The following KSR2 variants were observed in gnomAD, a reference collection of about 807,000 sequenced individuals.
KSR2 encodes the protein kinase suppressor of ras 2.
Under a neutral mutation model 107.8 loss-of-function variants are expected in KSR2, and 25 were observed. The ratio of observed to expected loss-of-function variants is 0.23; its 90% confidence interval spans 0.17 to 0.32. KSR2 has a LOEUF of 0.32. Ranked by LOEUF, KSR2 falls within the 10% of genes least tolerant of loss-of-function variation. The probability of loss-of-function intolerance (pLI) is 1.00; values close to 1 mark genes in which losing one functional copy is unlikely to be tolerated. For synonymous variants in KSR2, 480 were observed against 507.0 expected (o/e 0.95, Z 0.71); for missense variants, 887 against 1,268.9 (o/e 0.70, Z 4.57).
intron 4 of KSR2, among the ~76,000 whole-genome samples, chr12:117,688,285 C>T (rs749659382): frequency 3.3e-4 from 50 of 152,104 alleles, no homozygotes; most frequent in Non-Finnish European, 4.9e-4. Context: ...GAGGCTGAGG[C>T]GGGAGAATCG....
chr12:117,924,789 T>C (rs900976784), intron 1 of KSR2, among the ~76,000 whole-genome samples: 2 of 152,204 alleles, frequency 1.3e-5, no homozygotes, highest in East Asian at 1.9e-4. Context: ...AGAACCTGTA[T>C]AGATCCCAAT....
intron 3 of KSR2, among the ~76,000 whole-genome samples, chr12:117,839,302 A>G (rs867069313): frequency 2.0e-5 from 3 of 152,260 alleles, no homozygotes; most frequent in Admixed American, 6.5e-5. Context: ...GGAAATGAAC[A>G]AAGTGCTGCG....
At chr12:117,751,466 C>T (rs1888609232) in intron 4 of KSR2, among the ~76,000 whole-genome samples, 1 of 152,130 alleles carries the variant, frequency 6.6e-6, no homozygotes, top group African/African-American at 2.4e-5. Context: ...AAAGAGGAAA[C>T]ATCACTGTGC....
intron 5 of KSR2, among the ~76,000 whole-genome samples, chr12:117,601,110 C>T (rs1264282707): frequency 6.6e-6 from 1 of 152,142 alleles, no homozygotes; most frequent in African/African-American, 2.4e-5. Context: ...TGCTACTTGT[C>T]AGCTATAAAA....
intron 3 of KSR2, among the ~76,000 whole-genome samples, chr12:117,824,385 A>C (rs1361055276): frequency 5.3e-5 from 8 of 152,194 alleles, no homozygotes; most frequent in African/African-American, 1.9e-4. Context: ...TCTATCATAC[A>C]TTTCAAAATA....
chr12:117,603,392 A>T (rs1004739411), intron 5 of KSR2, among the ~76,000 whole-genome samples: 3 of 152,368 alleles, frequency 2.0e-5, no homozygotes, highest in Admixed American at 1.3e-4. Flanking sequence ...GAACTTACAG[A>T]TAAGTCAACT....
At chr12:117,633,434 C>T (rs1279937581) in intron 5 of KSR2, among the ~76,000 whole-genome samples, 1 of 152,184 alleles carries the variant, frequency 6.6e-6, no homozygotes, top group African/African-American at 2.4e-5. Context: ...ATCAGTGTCC[C>T]AGAACTACTA....
intron 3 of KSR2, among the ~76,000 whole-genome samples, chr12:117,793,427 A>G (rs1890369910): frequency 6.7e-6 from 1 of 149,426 alleles, no homozygotes; most frequent in Non-Finnish European, 1.5e-5. Context: ...CAAAATGCAC[A>G]CACACCAACA....
At chr12:117,620,935 A>G (rs763509162) in intron 5 of KSR2, among the ~76,000 whole-genome samples, 1 of 152,156 alleles carries the variant, frequency 6.6e-6, no homozygotes, top group Non-Finnish European at 1.5e-5. Context: ...AGCCCCTTCC[A>G]TCTGTAAATT....
intron 3 of KSR2, among the ~76,000 whole-genome samples, chr12:117,775,107 C>T (rs957971248): frequency 1.3e-5 from 2 of 152,210 alleles, no homozygotes; most frequent in Admixed American, 1.3e-4. Context: ...CATAGTGCTG[C>T]TATGAACATT....
chr12:117,529,063 A>G (rs903711354), intron 12 of KSR2, among the ~76,000 whole-genome samples: 2 of 152,218 alleles, frequency 1.3e-5, no homozygotes, highest in African/African-American at 4.8e-5. Context: ...TAAGTCTTTA[A>G]CAAAGTCCAT....
intron 4 of KSR2, among the ~76,000 whole-genome samples, chr12:117,688,691 G>T (rs1885687200): frequency 6.6e-6 from 1 of 152,178 alleles, no homozygotes; most frequent in Non-Finnish European, 1.5e-5. Context: ...GGCTCGATCA[G>T]GTTTCGAGTG....
At chr12:117,893,200 T>C (rs1894402334) in intron 1 of KSR2, among the ~76,000 whole-genome samples, 1 of 151,902 alleles carries the variant, frequency 6.6e-6, no homozygotes, top group Non-Finnish European at 1.5e-5. Context: ...GTATTTTTGG[T>C]AGAGATAGGG....
At chr12:117,751,278 C>T (rs1888603525) in intron 4 of KSR2, among the ~76,000 whole-genome samples, 1 of 152,240 alleles carries the variant, frequency 6.6e-6, no homozygotes, top group Admixed American at 6.5e-5. Context: ...CCATGCTAAA[C>T]TGTGAGTCCA....
At chr12:117,949,629 A>C (rs1896301244) in intron 1 of KSR2, among the ~76,000 whole-genome samples, 1 of 152,350 alleles carries the variant, frequency 6.6e-6, no homozygotes, top group African/African-American at 2.4e-5. Flanking sequence ...AGGACTGTAC[A>C]TCCAAAAAAG....
chr12:117,670,475 T>C (rs1884860609), intron 4 of KSR2, among the ~76,000 whole-genome samples: 1 of 152,134 alleles, frequency 6.6e-6, no homozygotes, highest in Non-Finnish European at 1.5e-5. Context: ...GGTGCATCTC[T>C]CAACTGCACC....
intron 4 of KSR2, among the ~76,000 whole-genome samples, chr12:117,715,982 C>T (rs1007582416): frequency 8.5e-5 from 13 of 152,288 alleles, no homozygotes; most frequent in African/African-American, 2.6e-4. Context: ...TCTATCCCCC[C>T]GACACCTCCA....
chr12:117,513,427 G>T (rs1565879048), intron 14 of KSR2, among the ~76,000 whole-genome samples: 1 of 152,216 alleles, frequency 6.6e-6, no homozygotes, highest in African/African-American at 2.4e-5. Flanking sequence ...TCAAACCAAA[G>T]TCTGGGGCCC....
At chr12:117,569,555 C>G (rs1478962180) in intron 7 of KSR2, among the ~76,000 whole-genome samples, 1 of 152,150 alleles carries the variant, frequency 6.6e-6, no homozygotes, top group Non-Finnish European at 1.5e-5. Flanking sequence ...GGGTCTCACT[C>G]CTACAGAAGT....
Sources: allele counts gnomAD v4.1 joint callset (sites outside exome capture counted in the v4.1 genomes callset), GRCh38; gene constraint gnomAD v4.1.1; transcripts MANE v1.5; gene names NCBI Gene and HGNC (gene_info 2026-07-23, HGNC 2026-07-21).